RBPMS: variants seen among roughly 807,000 people sequenced by gnomAD.
RBPMS encodes the protein RNA-binding protein with multiple splicing.
In RBPMS, 7 loss-of-function variants were observed where a neutral mutation model predicts 26.8. The ratio of observed to expected loss-of-function variants is 0.26; its 90% CI spans 0.15 to 0.49. The LOEUF (loss-of-function observed/expected upper bound fraction) is 0.49, where lower values mean the gene tolerates loss of function less well. Among genes scored for constraint, RBPMS ranks in the 20% least tolerant of loss-of-function variants. The pLI, the probability that RBPMS is intolerant of heterozygous loss-of-function variation, is 0.98. For missense variants in RBPMS, 186 were observed against 250.0 expected, an observed-to-expected ratio of 0.74 and a Z score of 1.73; for synonymous variants, 96 against 93.3, an observed-to-expected ratio of 1.03 and a Z score of -0.17.
chr8:30,496,586 A>T (rs746633231), intron 4 of RBPMS, among the ~76,000 whole-genome samples: 1 of 152,216 alleles, frequency 6.6e-6, no homozygotes, highest in Non-Finnish European at 1.5e-5. Context: ...TATGAATTTC[A>T]TGATTTATGT....
intron 5 of RBPMS, among the ~76,000 whole-genome samples, chr8:30,511,100 A>AGAC (rs1362681956): frequency 2.0e-5 from 3 of 150,960 alleles, no homozygotes; most frequent in Non-Finnish European, 4.4e-5. Flanking sequence ...AGTGATCAGG[A>AGAC]GGTCAGGAGT....
intron 1 of RBPMS, among the ~76,000 whole-genome samples, chr8:30,466,795 T>C (rs1816554509): frequency 6.6e-6 from 1 of 152,096 alleles, no homozygotes; most frequent in African/African-American, 2.4e-5. Context: ...GGTTTCACCA[T>C]GTTGGTCAGG....
At chr8:30,548,711 C>G (rs778662898) in intron 6 of RBPMS, among the ~76,000 whole-genome samples, 1 of 152,170 alleles carries the variant, frequency 6.6e-6, no homozygotes, top group Non-Finnish European at 1.5e-5. Flanking sequence ...AGGGAGCTCA[C>G]AGAGGAGTAG....
Position 30,385,040 on chromosome 8 carries a change from C to T in RBPMS, c.-53C>T. 5.6e-6 allele frequency: 8 copies of T among 1,419,170 alleles called. No homozygotes were observed. The highest frequency in any genetic ancestry group is 1.9e-4 in the Middle Eastern group (1 of 5,374). The allele number at this position is 1,419,170 out of a possible 1,614,324, so 87.9% of individuals were successfully genotyped here. ...AGGCTCCAGTGGGCTAGCGCGCCCT[C>T]GCCCAGCCCCGCGCCCCAGCCCTGC... On this transcript the variant is annotated 5_prime_UTR_variant, in exon 1 of 9. Coordinates refer to ENST00000397323, the MANE Select transcript of RBPMS (RefSeq NM_001008710.3).
intron 4 of RBPMS, among the ~76,000 whole-genome samples, chr8:30,497,088 A>G (rs1440263433): frequency 6.6e-6 from 1 of 152,254 alleles, no homozygotes; most frequent in Non-Finnish European, 1.5e-5. Context: ...TCTGATGGAA[A>G]TGACATGGCT....
intron 5 of RBPMS, among the ~76,000 whole-genome samples, chr8:30,508,255 C>T (rs1821256005): frequency 1.3e-5 from 2 of 152,162 alleles, no homozygotes; most frequent in South Asian, 2.1e-4. Context: ...CCTACAGACA[C>T]CTCTAGACTG....
chr8:30,552,888 G>C (rs541053921), intron 6 of RBPMS: 1 of 152,336 alleles, frequency 6.6e-6, no homozygotes, highest in East Asian at 1.9e-4. Flanking sequence ...TTGTCCTTGT[G>C]GTCTAGACCT....
chr8:30,454,654 TAGTATTGG>T (rs933176211), intron 1 of RBPMS, among the ~76,000 whole-genome samples: 4 of 152,214 alleles, frequency 2.6e-5, no homozygotes, highest in African/African-American at 9.7e-5. Flanking sequence ...GCCTCTAATT[TAGTATTGG>T]AGTAATCCTT....
chr8:30,496,487 T>C, intron 4 of RBPMS, among the ~76,000 whole-genome samples: 1 of 152,028 alleles, frequency 6.6e-6, no homozygotes, highest in East Asian at 1.9e-4. Flanking sequence ...CATTTCTAAA[T>C]ACTCCTAAGG....
In RBPMS at chr8:30,419,450, A is replaced by ATTGTGTGTGTGTG. The variant is rs1554509328; in HGVS notation, c.66+34293_66+34294insTGTGTGTGTGTGT. ...GACAGAGTGAGATTGCATCTCAAAA[A>ATTGTGTGTGTGTG]TGTGTGTGTGTGTGTGTGTGTGTGT... On this transcript the variant is annotated intron_variant, in intron 1 of 8. Transcript: ENST00000397323. Among the ~76,000 whole-genome samples, 1,294 of 143,266 alleles carry ATTGTGTGTGTGTG rather than the reference A, an allele frequency of 9.0e-3. 20 individuals carry two copies. Among genetic ancestry groups the ATTGTGTGTGTGTG allele is most frequent in the Non-Finnish European group, 0.013 (864 of 66,326 alleles). 94.0% of individuals were successfully genotyped at this position (143,266 alleles called of 152,430 possible). A position where few individuals can be genotyped will look rare whatever the true frequency, so the allele number is the denominator to read the frequency against.
chr8:30,464,529 TAG>T (rs1271118422), intron 1 of RBPMS, among the ~76,000 whole-genome samples: 3 of 152,198 alleles, frequency 2.0e-5, no homozygotes, highest in African/African-American at 7.2e-5. Context: ...GTTCCTCAGA[TAG>T]AGTTTGTCTA....
In RBPMS at chr8:30,513,587, C is replaced by CAAAAA. The variant is rs56184994; in HGVS notation, c.397+9175_397+9179dup. Among the ~76,000 whole-genome samples, 200 of 108,460 alleles carry CAAAAA rather than the reference C, an allele frequency of 1.8e-3. 7 individuals carry two copies. The highest frequency in any genetic ancestry group is 6.4e-3 in the African/African-American group (184 of 28,840). The allele number at this position is 108,460 out of a possible 152,430, so 71.2% of individuals were successfully genotyped here. A position where few individuals can be genotyped will look rare whatever the true frequency, so the allele number is the denominator to read the frequency against. ...TGGGCGACACAGCGAGACTCCATCT[C>CAAAAA]AAAAAAAAAAAAAAAAAAAAAAAAA... On this transcript the variant is annotated intron_variant, in intron 5 of 8. Coordinates refer to ENST00000397323, the MANE Select transcript of RBPMS (RefSeq NM_001008710.3).
chr8:30,413,393 A>G (rs1809680672), intron 1 of RBPMS, among the ~76,000 whole-genome samples: 2 of 151,916 alleles, frequency 1.3e-5, no homozygotes, highest in East Asian at 3.9e-4. Context: ...ATTGATCCCT[A>G]TTTCTCTCTC....
chr8:30,413,055 G>C (rs1809635798), intron 1 of RBPMS, among the ~76,000 whole-genome samples: 1 of 152,114 alleles, frequency 6.6e-6, no homozygotes, highest in Admixed American at 6.6e-5. Context: ...AAGCAGGCTG[G>C]ACTTTTCTAA....
intron 1 of RBPMS, chr8:30,447,090 GT>G (rs1387128999): frequency 6.6e-6 from 1 of 152,118 alleles, no homozygotes; most frequent in Non-Finnish European, 1.5e-5. Context: ...CCACCTGGAA[GT>G]TGCAGGCATC....
chr8:30,495,596 G>A (rs554672413), intron 4 of RBPMS, among the ~76,000 whole-genome samples: 1 of 152,332 alleles, frequency 6.6e-6, no homozygotes, highest in Middle Eastern at 3.4e-3. Flanking sequence ...GCCAGGGCAA[G>A]CACTGGGAGG....
intron 1 of RBPMS, among the ~76,000 whole-genome samples, chr8:30,436,303 A>G (rs1327462646): frequency 6.6e-6 from 1 of 151,520 alleles, no homozygotes; most frequent in African/African-American, 2.4e-5. Flanking sequence ...ATGGTTGCAC[A>G]CTCCTGGGAC....
chr8:30,466,938 C>T (rs2150800730), intron 1 of RBPMS, among the ~76,000 whole-genome samples: 1 of 152,252 alleles, frequency 6.6e-6, no homozygotes, highest in Middle Eastern at 3.4e-3. Context: ...TCCTTGGTGT[C>T]TGTAGCAATG....
At chr8:30,413,218 A>T (rs573779614) in intron 1 of RBPMS, among the ~76,000 whole-genome samples, 5 of 152,288 alleles carry the variant, frequency 3.3e-5, no homozygotes, top group South Asian at 4.2e-4. Context: ...AGCTGGGAGT[A>T]CAGGCATGCA....
Sources: allele counts gnomAD v4.1 joint callset (sites outside exome capture counted in the v4.1 genomes callset), GRCh38; gene constraint gnomAD v4.1.1; transcripts MANE v1.5; gene names NCBI Gene and HGNC (gene_info 2026-07-23, HGNC 2026-07-21).